The following SMARCAL1 variants were observed in gnomAD, a reference collection of about 807,000 sequenced individuals.
SMARCAL1 encodes SNF2 related chromatin remodeling annealing helicase 1.
In SMARCAL1, 58 loss-of-function variants were observed where a neutral mutation model predicts 94.5. The observed-to-expected ratio is 0.61, with a 90% CI of 0.50 to 0.76. The LOEUF (loss-of-function observed/expected upper bound fraction) is 0.76, where lower values mean the gene tolerates loss of function less well. Ranked by LOEUF, SMARCAL1 falls within the 30% of genes least tolerant of loss-of-function variation. SMARCAL1 has a pLI of 0.00. For synonymous variants in SMARCAL1, 422 were observed against 455.1 expected (o/e 0.93, Z 0.93); for missense variants, 1,051 against 1,177.9 (o/e 0.89, Z 1.58).
At chr2:216,474,983 T>C (rs1410628671) in intron 14 of SMARCAL1, among the ~76,000 whole-genome samples, 2 of 152,206 alleles carry the variant, frequency 1.3e-5, no homozygotes, top group African/African-American at 4.8e-5. Context: ...GTGGATTGTA[T>C]AGAAGTCAGC....
intron 6 of SMARCAL1, among the ~76,000 whole-genome samples, chr2:216,425,007 C>T (rs1693801137): frequency 6.6e-6 from 1 of 152,190 alleles, no homozygotes; most frequent in African/African-American, 2.4e-5. Context: ...CAACCTCTGC[C>T]TCCCAGGCTC....
intron 12 of SMARCAL1, among the ~76,000 whole-genome samples, chr2:216,464,051 T>A (rs938852670): frequency 2.2e-4 from 34 of 151,802 alleles, no homozygotes; most frequent in Non-Finnish European, 5.9e-5. Context: ...CTCAAAAAAA[T>A]AAAAAATAAG....
intron 14 of SMARCAL1, among the ~76,000 whole-genome samples, chr2:216,472,799 CCAT>C (rs769524512): frequency 2.0e-5 from 3 of 151,786 alleles, no homozygotes; most frequent in Admixed American, 6.6e-5. Context: ...TTTTTTTACC[CCAT>C]CAAGTCAGTA....
In SMARCAL1 at chr2:216,414,976, G is replaced by A. The variant is rs757706117; in HGVS notation, c.272G>A (p.Ser91Asn). Residue 91 changes from serine to asparagine, a missense_variant, in exon 3 of 18, where the codon AGT (serine) becomes AAT (asparagine). Transcript: ENST00000357276. Reference protein sequence around the residue: ...NADQRPHDSHSFQAKGIWKKP... With the variant: ...NADQRPHDSHNFQAKGIWKKP... ...GACCAAAGACCTCATGATTCCCACA[G>A]TTTTCAGGCAAAGGGAATATGGAAA... The A allele has an allele frequency of 6.2e-7, 1 of 1,614,198 alleles. No individual in the cohort carries two copies. The highest frequency in any genetic ancestry group is 1.7e-5 in the Admixed American group (1 of 60,022).
At position 216,432,850 on chromosome 2, in the gene SMARCAL1, G is replaced by A. The variant is rs145525014; in HGVS notation, c.1467G>A (p.Val489=). The A allele has an allele frequency of 1.9e-6, 3 of 1,614,090 alleles. No individual in the cohort carries two copies. The highest frequency in any genetic ancestry group is 2.5e-6 in the Non-Finnish European group (3 of 1,180,044). Residue 489 remains valine (V), a synonymous_variant, in exon 8 of 18, where the codon GTG becomes GTA. Transcript: ENST00000357276. ...WPLLVVVPSS[V]RFTWEQAFLR... The stretch of plus-strand genomic sequence containing the variant: ...TCCTGGTGGTGGTGCCATCCTCCGT[G>A]CGCTTCACCTGGGAGCAGGTTAATG...
In SMARCAL1 at chr2:216,415,333, G is replaced by A; in HGVS notation, c.629G>A (p.Ser210Asn). The A allele has an allele frequency of 6.2e-7, 1 of 1,614,218 alleles. No homozygotes were observed. Among genetic ancestry groups the A allele is most frequent in the Non-Finnish European group, 8.5e-7 (1 of 1,180,042 alleles). The change falls in exon 3 of 18, where the codon AGC becomes AAC. Residue 210 changes from serine to asparagine, a missense_variant. Around this residue, in one of 3 missense-constraint regions of SMARCAL1, gnomAD observed 398 missense variants for 395.2 expected, o/e 1.01. Coordinates refer to ENST00000357276, the MANE Select transcript of SMARCAL1 (RefSeq NM_014140.4). ...CAGAACATTTCTTACATCCATTCTA[G>A]CTCAGAGAGTGTAACGCCCAGGACA... ...SGQNISYIHS[S>N]SESVTPRTEG...
chr2:216,462,015 A>G (rs1694717716), intron 12 of SMARCAL1, among the ~76,000 whole-genome samples: 1 of 152,216 alleles, frequency 6.6e-6, no homozygotes, highest in East Asian at 1.9e-4. Flanking sequence ...AATGAGAATT[A>G]GTTTTAAGGA....
chr2:216,420,322 A>G lies in SMARCAL1; in HGVS notation c.886A>G (p.Thr296Ala). The G allele has an allele frequency of 1.9e-6, 3 of 1,613,990 alleles. No homozygotes were observed. Among genetic ancestry groups the G allele is most frequent in the Non-Finnish European group, 2.5e-6 (3 of 1,179,986 alleles). Reference protein sequence around the residue: ...ALMKAAQSLPTVNLQPLEWAY... With the variant: ...ALMKAAQSLPAVNLQPLEWAY... ...AGTGAAAGCAGCCCAGAGCCTCCCC[A>G]CGGTCAACCTGCAGCCTCTGGAATG... The change falls in exon 5 of 18, where the codon ACG (threonine) becomes GCG (alanine). Residue 296 changes from threonine (T) to alanine (A), a missense_variant. Around this residue, in one of 3 missense-constraint regions of SMARCAL1, gnomAD observed 398 missense variants for 395.2 expected, o/e 1.01. Coordinates refer to ENST00000357276, the MANE Select transcript of SMARCAL1 (RefSeq NM_014140.4).
Position 216,428,640 on chromosome 2 carries a change from C to A in SMARCAL1, c.1192C>A (p.Pro398Thr). The A allele has an allele frequency of 6.2e-7, 1 of 1,614,182 alleles. No individual in the cohort carries two copies. Among genetic ancestry groups the A allele is most frequent in the Non-Finnish European group, 8.5e-7 (1 of 1,180,036 alleles). Residue 398 changes from proline to threonine, a missense_variant, in exon 7 of 18, where the codon CCC becomes ACC. Coordinates refer to ENST00000357276, the MANE Select transcript of SMARCAL1 (RefSeq NM_014140.4). ...CCCACAAGTTCAGCTGGACCCTCTGCCCACGACTCTCACCCTGGCGTTTGC... is the reference window on the plus strand; with the variant it reads ...CCCACAAGTTCAGCTGGACCCTCTGACCACGACTCTCACCCTGGCGTTTGC... ...CLPQVQLDPL[P>T]TTLTLAFASQ... is the part of the protein sequence containing the mutation.
intron 12 of SMARCAL1, among the ~76,000 whole-genome samples, chr2:216,464,344 C>T (rs982747118): frequency 1.3e-5 from 2 of 152,164 alleles, no homozygotes; most frequent in African/African-American, 4.8e-5. Context: ...GTGTTCCTTG[C>T]CTCTTGGATT....
intron 5 of SMARCAL1, among the ~76,000 whole-genome samples, chr2:216,421,629 C>G (rs565616358): frequency 1.2e-4 from 19 of 152,260 alleles, no homozygotes; most frequent in African/African-American, 2.9e-4. Context: ...ATAAGCTCCC[C>G]CTTCAGAATA....
At chr2:216,437,968 G>A (rs1460880882) in intron 9 of SMARCAL1, among the ~76,000 whole-genome samples, 3 of 152,140 alleles carry the variant, frequency 2.0e-5, no homozygotes, top group Non-Finnish European at 4.4e-5. Flanking sequence ...CAGCCTGATC[G>A]GTTGTCAGTG....
At chr2:216,467,494 G>A (rs1027355296) in intron 13 of SMARCAL1, among the ~76,000 whole-genome samples, 4 of 148,240 alleles carry the variant, frequency 2.7e-5, no homozygotes, top group African/African-American at 7.6e-5. Context: ...AAAAAAAAAG[G>A]GTGGGAAGCT....
chr2:216,461,696 A>G (rs780144037), intron 12 of SMARCAL1, among the ~76,000 whole-genome samples: 5 of 151,954 alleles, frequency 3.3e-5, no homozygotes, highest in Non-Finnish European at 7.4e-5. Context: ...TGGGCGTGGT[A>G]GTGTGTACCT....
Position 216,435,326 on chromosome 2 carries a change from T to C in SMARCAL1, c.1486-12T>C. 6.2e-7 allele frequency: 1 copy of C among 1,614,040 alleles called. No homozygotes were observed. The highest frequency in any genetic ancestry group is 8.5e-7 in the Non-Finnish European group (1 of 1,179,958). ...TGGTCATTGTAGCTTTGTTCCCTCC[T>C]GTCATCCACAGGCCTTCCTTCGGTG... On this transcript the variant is annotated splice_polypyrimidine_tract_variant and intron_variant, in intron 8 of 17. Coordinates refer to ENST00000357276, the MANE Select transcript of SMARCAL1 (RefSeq NM_014140.4).
intron 12 of SMARCAL1, among the ~76,000 whole-genome samples, chr2:216,459,528 C>T (rs1694650026): frequency 6.6e-6 from 1 of 152,126 alleles, no homozygotes; most frequent in Non-Finnish European, 1.5e-5. Context: ...AGAAACAATA[C>T]CACACATCTA....
chr2:216,482,933 T>A lies in SMARCAL1; in HGVS notation c.2821T>A (p.Phe941Ile). 2 of 1,614,104 alleles carry A rather than the reference T, an allele frequency of 1.2e-6. No individual in the cohort carries two copies. Among genetic ancestry groups the A allele is most frequent in the Non-Finnish European group, 1.7e-6 (2 of 1,179,992 alleles). Residue 941 changes from phenylalanine to isoleucine, a missense_variant, in exon 18 of 18, where the codon TTT (phenylalanine) becomes ATT (isoleucine). Transcript: ENST00000357276. This position sits in a 1 kb window ranked among gnomAD's most constrained non-coding sequence, Gnocchi z 4.3. ...LTASPQKKRR[F>I]EFFDNWDSFT... Reference sequence around the variant, plus strand: ...AGCCAGTCCACAGAAGAAAAGGAGATTTGAATTTTTTGATAACTGGGACAG... The same window carrying A: ...AGCCAGTCCACAGAAGAAAAGGAGAATTGAATTTTTTGATAACTGGGACAG...
In SMARCAL1 at chr2:216,475,370, G is replaced by A. The variant is rs1189443349; in HGVS notation, c.2346G>A (p.Leu782=). Residue 782 remains leucine (L), a synonymous_variant, in exon 15 of 18, where the codon CTG becomes CTA. Coordinates refer to ENST00000357276, the MANE Select transcript of SMARCAL1 (RefSeq NM_014140.4). This position sits in a 1 kb window ranked among gnomAD's most constrained non-coding sequence, Gnocchi z 4.4. ...QLSERHAVAV[L]SITAANMGLT... is the part of the protein sequence containing the mutation. The stretch of plus-strand genomic sequence containing the variant: ...CGGAGAGGCATGCTGTGGCCGTGCT[G>A]TCCATCACCGCTGCCAATATGGGCC... The A allele has an allele frequency of 1.2e-6, 2 of 1,614,202 alleles. No homozygotes were observed. Among genetic ancestry groups the A allele is most frequent in the South Asian group, 1.1e-5 (1 of 91,086 alleles).
intron 12 of SMARCAL1, among the ~76,000 whole-genome samples, chr2:216,460,994 A>G (rs550447791): frequency 2.6e-5 from 4 of 152,250 alleles, no homozygotes; most frequent in African/African-American, 9.6e-5. Flanking sequence ...CTAAAAAAAC[A>G]AAACCAGATT....
Sources: allele counts gnomAD v4.1 joint callset (sites outside exome capture counted in the v4.1 genomes callset), GRCh38; gene constraint gnomAD v4.1.1; regional missense constraint gnomAD v4.1.1; non-coding constraint Gnocchi (gnomAD v3.1); transcripts MANE v1.5; gene names NCBI Gene and HGNC (gene_info 2026-07-23, HGNC 2026-07-21).